The following PRKCE variants were observed in gnomAD, a reference collection of about 807,000 sequenced individuals.
PRKCE encodes protein kinase C epsilon.
In PRKCE, 16 loss-of-function variants were observed where a neutral mutation model predicts 85.4. That is an observed-to-expected ratio of 0.19 (90% CI 0.13 to 0.28). PRKCE has a LOEUF of 0.28. PRKCE is among the 10% of genes least tolerant of loss of function. The probability of loss-of-function intolerance (pLI) is 1.00; values close to 1 mark genes in which losing one functional copy is unlikely to be tolerated. For missense variants in PRKCE, 573 were observed against 975.2 expected (o/e 0.59, Z 5.49); for synonymous variants, 388 against 371.5 (o/e 1.04, Z -0.51).
chr2:45,907,626 C>T lies in PRKCE; in HGVS notation c.412+64563C>T, dbSNP rs935650. ...TTTCCCAGTGCCAATCATCGTGGTC[C>T]GCATTCTATGGACTGTTCTGTCCAG... On this transcript the variant is annotated intron_variant, in intron 2 of 14. Transcript: ENST00000306156. The surrounding 1 kb of genome is among the most constrained non-coding windows in gnomAD (Gnocchi z 4.5). 0.24 allele frequency among the ~76,000 whole-genome samples: 36,332 copies of T among 152,114 alleles called. 5,428 individuals carry two copies. The highest frequency in any genetic ancestry group is 0.35 in the South Asian group (1,693 of 4,812).
At chr2:45,711,825 A>C (rs111620096) in intron 1 of PRKCE, among the ~76,000 whole-genome samples, 4 of 152,128 alleles carry the variant, frequency 2.6e-5, no homozygotes, top group African/African-American at 7.2e-5. Context: ...GGGTTTCACT[A>C]TGTCGGTCAG....
At chr2:45,752,664 T>A (rs1683673741) in intron 1 of PRKCE, among the ~76,000 whole-genome samples, 2 of 152,110 alleles carry the variant, frequency 1.3e-5, no homozygotes, top group African/African-American at 4.8e-5. Context: ...GGGCCTTGGT[T>A]TTCCAGCATA....
At chr2:46,028,342 G>T (rs1660949109) in intron 10 of PRKCE, among the ~76,000 whole-genome samples, 1 of 152,206 alleles carries the variant, frequency 6.6e-6, no homozygotes. Flanking sequence ...CAACATTTGT[G>T]TTTTGCAACA....
At chr2:45,783,857 T>C (rs1476019247) in intron 1 of PRKCE, among the ~76,000 whole-genome samples, 1 of 152,182 alleles carries the variant, frequency 6.6e-6, no homozygotes, top group Non-Finnish European at 1.5e-5. Context: ...GTGCTGGGGC[T>C]CAGGACCTGT....
At chr2:46,018,184 T>C (rs1034797434) in intron 10 of PRKCE, among the ~76,000 whole-genome samples, 1 of 152,202 alleles carries the variant, frequency 6.6e-6, no homozygotes, top group African/African-American at 2.4e-5. Context: ...AAAGGGGGCA[T>C]GGGCACAGGA....
At chr2:45,871,962 G>T (rs910360586) in intron 2 of PRKCE, among the ~76,000 whole-genome samples, 1 of 152,196 alleles carries the variant, frequency 6.6e-6, no homozygotes, top group Admixed American at 6.5e-5. Context: ...ACTGAGGACG[G>T]AGTTAGTGTG....
At chr2:46,043,706 G>C (rs989917473) in intron 10 of PRKCE, among the ~76,000 whole-genome samples, 1 of 152,144 alleles carries the variant, frequency 6.6e-6, no homozygotes, top group Non-Finnish European at 1.5e-5. Context: ...GTGAAAAGGG[G>C]GTTTCTGTTA....
chr2:45,963,123 G>A lies in PRKCE; in HGVS notation c.413-13306G>A, dbSNP rs540056214. Among the ~76,000 whole-genome samples the A allele has an allele frequency of 2.0e-5, 3 of 152,116 alleles. No individual in the cohort carries two copies. In the East Asian group the frequency reaches 5.8e-4, roughly 30 times the overall value. ...GTGCCCTGCCGTGGGGACTAGATGGGCCTGGGTCGATAGAAGGGAGGATGG... is the reference window on the plus strand; with the variant it reads ...GTGCCCTGCCGTGGGGACTAGATGGACCTGGGTCGATAGAAGGGAGGATGG... On this transcript the variant is annotated intron_variant, in intron 2 of 14. Transcript: ENST00000306156.
intron 1 of PRKCE, among the ~76,000 whole-genome samples, chr2:45,841,444 G>A (rs1039098427): frequency 1.3e-5 from 2 of 152,208 alleles, no homozygotes; most frequent in African/African-American, 4.8e-5. Context: ...AGGGCAAAAA[G>A]CATCCAGCAC....
At chr2:45,719,065 A>G (rs764115974) in intron 1 of PRKCE, among the ~76,000 whole-genome samples, 3 of 152,226 alleles carry the variant, frequency 2.0e-5, no homozygotes, top group South Asian at 2.1e-4. Context: ...TTTCTTCACA[A>G]TGTAAAGTGT....
chr2:45,879,725 C>T (rs934170618), intron 2 of PRKCE, among the ~76,000 whole-genome samples: 5 of 152,200 alleles, frequency 3.3e-5, no homozygotes, highest in African/African-American at 1.2e-4. Flanking sequence ...GGGAGGCACT[C>T]CTGTCACGAG....
intron 11 of PRKCE, among the ~76,000 whole-genome samples, chr2:46,126,455 G>C (rs182829685): frequency 6.6e-6 from 1 of 152,264 alleles, no homozygotes; most frequent in East Asian, 1.9e-4. Context: ...TCCCATGGGG[G>C]AGTCCATGAA....
intron 2 of PRKCE, among the ~76,000 whole-genome samples, chr2:45,890,952 A>C (rs1695678080): frequency 6.6e-6 from 1 of 152,214 alleles, no homozygotes; most frequent in African/African-American, 2.4e-5. Flanking sequence ...GCTAACAGAA[A>C]GGAACATAAG....
intron 1 of PRKCE, among the ~76,000 whole-genome samples, chr2:45,716,647 GAAGA>G (rs1438533811): frequency 6.9e-6 from 1 of 145,064 alleles, no homozygotes; most frequent in African/African-American, 2.6e-5. Context: ...AGAAGAAGAA[GAAGA>G]AGGAGAAGGA....
intron 11 of PRKCE, among the ~76,000 whole-genome samples, chr2:46,102,659 G>C (rs1671351736): frequency 6.6e-6 from 1 of 152,110 alleles, no homozygotes; most frequent in African/African-American, 2.4e-5. Context: ...CATTTTCTCA[G>C]ACTTTCCTTG....
intron 1 of PRKCE, among the ~76,000 whole-genome samples, chr2:45,679,467 G>A (rs1257480408): frequency 1.3e-5 from 2 of 152,086 alleles, no homozygotes; most frequent in South Asian, 2.1e-4. Context: ...CAATCTAACA[G>A]GGAAAATAAA....
chr2:46,116,401 G>A (rs1457870602), intron 11 of PRKCE, among the ~76,000 whole-genome samples: 1 of 152,214 alleles, frequency 6.6e-6, no homozygotes, highest in Non-Finnish European at 1.5e-5. Flanking sequence ...AAGCAATTTG[G>A]TAACTGTGAC....
chr2:45,991,980 T>G (rs10084463), intron 6 of PRKCE, among the ~76,000 whole-genome samples: 83,862 of 152,076 alleles, frequency 0.55, 24,346 homozygotes, highest in African/African-American at 0.74. Flanking sequence ...GAAAAGCATG[T>G]TGTCCTGATT....
chr2:46,088,365 T>G (rs1413939204), intron 11 of PRKCE, among the ~76,000 whole-genome samples: 1 of 152,182 alleles, frequency 6.6e-6, no homozygotes, highest in African/African-American at 2.4e-5. Flanking sequence ...CATGTAGCAC[T>G]GCCTGCCTGG....
Sources: allele counts gnomAD v4.1 joint callset (sites outside exome capture counted in the v4.1 genomes callset), GRCh38; gene constraint gnomAD v4.1.1; non-coding constraint Gnocchi (gnomAD v3.1); transcripts MANE v1.5; gene names NCBI Gene and HGNC (gene_info 2026-07-23, HGNC 2026-07-21).